Variants in RNF111 observed in about 807,000 individuals in gnomAD.
RNF111 encodes E3 ubiquitin-protein ligase Arkadia.
In RNF111, 17 loss-of-function variants were observed where a neutral mutation model predicts 95.1. The ratio of observed to expected loss-of-function variants is 0.18; its 90% CI spans 0.12 to 0.27. RNF111 has a LOEUF of 0.27. RNF111 is among the 10% of genes least tolerant of loss of function. The pLI is 1.00. For synonymous variants in RNF111, 440 were observed against 414.8 expected, an observed-to-expected ratio of 1.06 and a Z score of -0.74; for missense variants, 1,189 against 1,210.4, an observed-to-expected ratio of 0.98 and a Z score of 0.26.
At chr15:59,071,831 C>G (rs2042942672) in intron 6 of RNF111, among the ~76,000 whole-genome samples, 1 of 152,108 alleles carries the variant, frequency 6.6e-6, no homozygotes, top group Admixed American at 6.5e-5. Context: ...CTTGGAGATA[C>G]TGCAGGTTTG....
At position 59,052,378 on chromosome 15, in the gene RNF111, T is replaced by C. The variant is rs1159923728; in HGVS notation, c.954T>C (p.Asn318=). The change falls in exon 3 of 14, where the codon AAT becomes AAC. Residue 318 remains asparagine (N), a synonymous_variant. Transcript: ENST00000348370. The stretch of plus-strand genomic sequence containing the variant: ...AGGTTACTGCCAATGAAGAAATTAA[T>C]GTTACCTCAACTGACAGTGAAGTGG... ...TPQVTANEEI[N]VTSTDSEVEI... 5.6e-6 allele frequency: 9 copies of C among 1,606,270 alleles called. No homozygotes were observed. The highest frequency in any genetic ancestry group is 1.7e-4 in the Middle Eastern group (1 of 6,056).
chr15:59,083,398 C>T (rs916454330), intron 8 of RNF111, among the ~76,000 whole-genome samples: 2 of 151,832 alleles, frequency 1.3e-5, no homozygotes, highest in African/African-American at 2.4e-5. Context: ...ATTAGCTGGG[C>T]GTGGTGGCAT....
rs1043912899 is a variant in RNF111, at chr15:59,096,605, A to T, written c.*1705A>T. 1.3e-5 allele frequency: 2 copies of T among 152,402 alleles called. No homozygotes were observed. The highest frequency in any genetic ancestry group is 2.9e-5 in the Non-Finnish European group (2 of 68,048). 9.4% of individuals were successfully genotyped at this position (152,402 alleles called of 1,614,324 possible). A position where few individuals can be genotyped will look rare whatever the true frequency, so the allele number is the denominator to read the frequency against. ...AAATGTTACACTGTAGTAGTTGTCA[A>T]TGTTAACAGGCTTCAACATAGTATG... On this transcript the variant is annotated 3_prime_UTR_variant, in exon 14 of 14. Transcript: ENST00000348370.
At chr15:59,094,184 A>G (rs535166974) in intron 13 of RNF111, among the ~76,000 whole-genome samples, 5 of 152,342 alleles carry the variant, frequency 3.3e-5, no homozygotes, top group Admixed American at 1.3e-4. Context: ...TATTAAGTGT[A>G]TATAACAATT....
chr15:59,073,069 G>C (rs1412369144), intron 6 of RNF111, among the ~76,000 whole-genome samples: 1 of 152,092 alleles, frequency 6.6e-6, no homozygotes, highest in African/African-American at 2.4e-5. Flanking sequence ...CTACTTGGGA[G>C]GCTGAAGTTG....
At chr15:59,022,912 A>G (rs1428290124) in intron 1 of RNF111, among the ~76,000 whole-genome samples, 2 of 152,232 alleles carry the variant, frequency 1.3e-5, no homozygotes, top group African/African-American at 2.4e-5. Context: ...ACAGATCTGC[A>G]GTGTTCTGGT....
intron 1 of RNF111, among the ~76,000 whole-genome samples, chr15:59,012,868 A>G (rs531355143): frequency 6.6e-6 from 1 of 151,858 alleles, no homozygotes; most frequent in South Asian, 2.1e-4. Flanking sequence ...CCTCCCAAGT[A>G]TCTGTGATTA....
At chr15:59,064,388 T>A (rs1360233062) in intron 5 of RNF111, among the ~76,000 whole-genome samples, 1 of 151,800 alleles carries the variant, frequency 6.6e-6, no homozygotes, top group East Asian at 1.9e-4. Flanking sequence ...ACAAAAAAAT[T>A]AGCCGGGCTT....
intron 1 of RNF111, among the ~76,000 whole-genome samples, chr15:58,993,752 A>C (rs1242716639): frequency 1.3e-5 from 2 of 152,192 alleles, no homozygotes; most frequent in East Asian, 3.9e-4. Context: ...GCTGGTGGAA[A>C]GGAGAGTTTG....
chr15:59,016,225 A>C (rs1184032816), intron 1 of RNF111, among the ~76,000 whole-genome samples: 1 of 151,006 alleles, frequency 6.6e-6, no homozygotes, highest in Non-Finnish European at 1.5e-5. Flanking sequence ...GCTGGAGTGC[A>C]GTGGCATGAT....
rs1373661276 is a variant in RNF111, at chr15:59,095,653, C to G, written c.*753C>G. ...CATTTAGAATTTTATTTCCCTGATT[C>G]AGTTTTTGCTGCTGTGAAACAGCTC... On this transcript the variant is annotated 3_prime_UTR_variant, in exon 14 of 14. Transcript: ENST00000348370. 3.2e-5 allele frequency: 6 copies of G among 189,376 alleles called. No individual in the cohort carries two copies. The East Asian group carries it at 7.8e-4, about 25-fold the overall frequency. The allele number at this position is 189,376 out of a possible 1,614,324, so 11.7% of individuals were successfully genotyped here. A position where few individuals can be genotyped will look rare whatever the true frequency, so the allele number is the denominator to read the frequency against.
At chr15:59,010,686 G>A (rs923063675) in intron 1 of RNF111, among the ~76,000 whole-genome samples, 40 of 152,278 alleles carry the variant, frequency 2.6e-4, no homozygotes, top group African/African-American at 9.1e-4. Context: ...ACAGTCATAA[G>A]CCACCACATC....
intron 1 of RNF111, among the ~76,000 whole-genome samples, chr15:59,008,405 G>A (rs1404621021): frequency 2.6e-5 from 4 of 151,884 alleles, no homozygotes; most frequent in Admixed American, 1.3e-4. Context: ...TTTTTGTAGA[G>A]ACAGGGTCTC....
chr15:59,054,834 G>A (rs182885016), intron 3 of RNF111, among the ~76,000 whole-genome samples: 9 of 152,216 alleles, frequency 5.9e-5, no homozygotes, highest in Non-Finnish European at 8.8e-5. Flanking sequence ...TGACAATAAG[G>A]TTATAAGCAG....
intron 2 of RNF111, among the ~76,000 whole-genome samples, chr15:59,040,823 A>T (rs977652021): frequency 5.3e-5 from 8 of 152,288 alleles, no homozygotes; most frequent in African/African-American, 1.7e-4. Context: ...CCAATTTCAC[A>T]TGCATTTAGG....
intron 2 of RNF111, among the ~76,000 whole-genome samples, chr15:59,046,036 A>C (rs2041692405): frequency 6.6e-6 from 1 of 152,228 alleles, no homozygotes; most frequent in Non-Finnish European, 1.5e-5. Context: ...ACTCCTAATA[A>C]ATGTTATGTT....
intron 1 of RNF111, among the ~76,000 whole-genome samples, chr15:58,994,351 A>G (rs1478393696): frequency 1.3e-5 from 2 of 151,202 alleles, no homozygotes; most frequent in African/African-American, 2.4e-5. Flanking sequence ...TTACATTTTT[A>G]TTTTGACATA....
At chr15:58,998,050 C>G (rs1404255713) in intron 1 of RNF111, among the ~76,000 whole-genome samples, 1 of 151,042 alleles carries the variant, frequency 6.6e-6, no homozygotes, top group Non-Finnish European at 1.5e-5. Context: ...GATTACAGGC[C>G]CGTGCCACCA....
At chr15:59,000,733 C>T (rs34877400) in intron 1 of RNF111, among the ~76,000 whole-genome samples, 136 of 151,702 alleles carry the variant, frequency 9.0e-4, no homozygotes, top group Non-Finnish European at 1.6e-3. Context: ...AAGATAACTG[C>T]TGCTGCAGAG....
Sources: allele counts gnomAD v4.1 joint callset (sites outside exome capture counted in the v4.1 genomes callset), GRCh38; gene constraint gnomAD v4.1.1; transcripts MANE v1.5; gene names NCBI Gene and HGNC (gene_info 2026-07-23, HGNC 2026-07-21).